SPON1: variants seen among roughly 807,000 people sequenced by gnomAD.
SPON1 encodes spondin 1, also known as spondin-1.
Under a neutral mutation model 111.7 loss-of-function variants are expected in SPON1, and 52 were observed. The observed-to-expected ratio is 0.47, with a 90% confidence interval of 0.37 to 0.59. SPON1 has a LOEUF of 0.59. Ranked by LOEUF, SPON1 falls within the 20% of genes least tolerant of loss-of-function variation. The pLI is 0.00. For missense variants in SPON1, 957 were observed against 1,068.5 expected (o/e 0.90, Z 1.46); for synonymous variants, 410 against 395.8 (o/e 1.04, Z -0.43).
At chr11:14,190,896 C>T (rs150689571) in intron 6 of SPON1, among the ~76,000 whole-genome samples, 11,746 of 152,084 alleles carry the variant, frequency 0.077, 560 homozygotes, top group East Asian at 0.17. Flanking sequence ...ACCTCGGCCT[C>T]CCAAAGTGCT....
intron 2 of SPON1, among the ~76,000 whole-genome samples, chr11:14,037,535 A>AAAG (rs1554916796): frequency 6.6e-6 from 1 of 151,678 alleles, no homozygotes; most frequent in Non-Finnish European, 1.5e-5. Context: ...TGTAGAAAAA[A>AAAG]AAAAAGAATC....
chr11:14,187,575 C>T lies in SPON1; in HGVS notation c.825+52007C>T, dbSNP rs144219185. Among the ~76,000 whole-genome samples the T allele has an allele frequency of 4.6e-5, 7 of 152,284 alleles. No individual in the cohort carries two copies. In the East Asian group the frequency reaches 9.7e-4, roughly 21 times the overall value. On this transcript the variant is annotated intron_variant, in intron 6 of 15. Coordinates refer to ENST00000576479, the MANE Select transcript of SPON1 (RefSeq NM_006108.4). ...ATGTCATAGGTAGGAATTCTCAGTG[C>T]AGCAGTTAGTTTGGGGTCCTAAAAG...
chr11:14,108,491 G>A (rs536872975), intron 5 of SPON1, among the ~76,000 whole-genome samples: 2 of 152,188 alleles, frequency 1.3e-5, no homozygotes, highest in South Asian at 4.1e-4. Flanking sequence ...GTGGAGAGAG[G>A]GCCAAGTTCC....
At chr11:14,185,429 T>C (rs1848276391) in intron 6 of SPON1, among the ~76,000 whole-genome samples, 1 of 152,240 alleles carries the variant, frequency 6.6e-6, no homozygotes, top group Non-Finnish European at 1.5e-5. Context: ...CTTTCTCATA[T>C]AGACCTGACC....
At chr11:14,098,855 A>G (rs1318641345) in intron 5 of SPON1, among the ~76,000 whole-genome samples, 1 of 152,188 alleles carries the variant, frequency 6.6e-6, no homozygotes, top group Non-Finnish European at 1.5e-5. Context: ...CCTCTCCTTT[A>G]AAGTGGTAAT....
At chr11:14,230,942 A>G (rs1848793416) in intron 6 of SPON1, among the ~76,000 whole-genome samples, 1 of 151,710 alleles carries the variant, frequency 6.6e-6, no homozygotes, top group South Asian at 2.1e-4. Context: ...GACTACAGGC[A>G]TGTGCCACCA....
chr11:14,199,838 A>C (rs1848442497), intron 6 of SPON1, among the ~76,000 whole-genome samples: 1 of 152,140 alleles, frequency 6.6e-6, no homozygotes, highest in South Asian at 2.1e-4. Context: ...CCTGCCTTAG[A>C]GCATGAAGCT....
intron 3 of SPON1, 72 bp from the exon 4 acceptor site, chr11:14,075,273 A>T: frequency 2.6e-6 from 3 of 1,154,004 alleles, no homozygotes; most frequent in Non-Finnish European, 2.5e-6. Flanking sequence ...AGCAGGGACT[A>T]TGTCTGACTG....
chr11:14,213,187 T>G (rs1554936875), intron 6 of SPON1, among the ~76,000 whole-genome samples: 2 of 152,194 alleles, frequency 1.3e-5, no homozygotes, highest in Admixed American at 6.5e-5. Flanking sequence ...TTCATCCTTT[T>G]GAAATGGAGC....
rs1424506478 is a variant in SPON1, at chr11:14,000,723, A to T, written c.345+17770A>T. The stretch of plus-strand genomic sequence containing the variant: ...TGGACCAATATGAAGATACATGTGC[A>T]TCACATGCACAGCCACACACCCCCT... On this transcript the variant is annotated intron_variant, in intron 2 of 15. Coordinates refer to ENST00000576479, the MANE Select transcript of SPON1 (RefSeq NM_006108.4). Among the ~76,000 whole-genome samples the T allele has an allele frequency of 3.3e-5, 5 of 152,098 alleles. No individual in the cohort carries two copies. The East Asian group carries it at 7.7e-4, about 24-fold the overall frequency.
Position 13,962,885 on chromosome 11 carries a change from C to T in SPON1, c.-20C>T, listed in dbSNP as rs1564874054. 1 of 1,462,682 alleles carries T rather than the reference C, an allele frequency of 6.8e-7. No individual in the cohort carries two copies. Among genetic ancestry groups the T allele is most frequent in the African/African-American group, 1.5e-5 (1 of 67,798 alleles). The allele number at this position is 1,462,682 out of a possible 1,614,324, so 90.6% of individuals were successfully genotyped here. A position where few individuals can be genotyped will look rare whatever the true frequency, so the allele number is the denominator to read the frequency against. On this transcript the variant is annotated 5_prime_UTR_variant, in exon 1 of 16. Coordinates refer to ENST00000576479, the MANE Select transcript of SPON1 (RefSeq NM_006108.4). ...GTGGCGAAGGCCTGCGGCCGCGGCACAAAGTTGGGGGCCGCGAAGATGAGG... is the reference window on the plus strand; with the variant it reads ...GTGGCGAAGGCCTGCGGCCGCGGCATAAAGTTGGGGGCCGCGAAGATGAGG...
At chr11:14,137,504 G>GC (rs140902958) in intron 6 of SPON1, among the ~76,000 whole-genome samples, 1 of 152,052 alleles carries the variant, frequency 6.6e-6, no homozygotes, top group South Asian at 2.1e-4. Flanking sequence ...TCTACTTTTC[G>GC]CCCCCCTCAC....
chr11:14,175,827 C>T (rs1554933022), intron 6 of SPON1, among the ~76,000 whole-genome samples: 1 of 152,162 alleles, frequency 6.6e-6, no homozygotes. Context: ...AGAAAATTAC[C>T]CTTTACTGTC....
At chr11:14,185,543 T>A (rs535366418) in intron 6 of SPON1, among the ~76,000 whole-genome samples, 1 of 152,370 alleles carries the variant, frequency 6.6e-6, no homozygotes, top group African/African-American at 2.4e-5. Flanking sequence ...AACCTGAGTC[T>A]ACATGGTAAA....
At chr11:14,196,915 T>C (rs1006037876) in intron 6 of SPON1, among the ~76,000 whole-genome samples, 17 of 152,144 alleles carry the variant, frequency 1.1e-4, no homozygotes, top group African/African-American at 4.1e-4. Flanking sequence ...CCAGATGTAG[T>C]GGTGCATGCC....
chr11:13,982,410 A>G (rs75986161), intron 1 of SPON1, among the ~76,000 whole-genome samples: 1,703 of 152,292 alleles, frequency 0.011, 26 homozygotes, highest in African/African-American at 0.039. Context: ...AAGAAAAATG[A>G]AATATGTTTT....
Position 13,981,396 on chromosome 11 carries a change from G to A in SPON1, c.239-1451G>A, listed in dbSNP as rs562646111. 2.7e-4 allele frequency among the ~76,000 whole-genome samples: 41 copies of A among 152,164 alleles called. No individual in the cohort carries two copies. The South Asian group carries it at 6.2e-3, about 23-fold the overall frequency. ...GGCTGGAGTGCAATGGCACAATCGC[G>A]GCTTACTGCAAGCTCCACCTCCCGG... On this transcript the variant is annotated intron_variant, in intron 1 of 15. Transcript: ENST00000576479.
At chr11:14,051,535 CAAA>C (rs111822968) in intron 3 of SPON1, among the ~76,000 whole-genome samples, 6 of 130,492 alleles carry the variant, frequency 4.6e-5, no homozygotes, top group Non-Finnish European at 6.7e-5. Flanking sequence ...GAGCCTGTCT[CAAA>C]AAAAAAAAAA....
At chr11:13,988,988 G>C (rs1313916427) in intron 2 of SPON1, among the ~76,000 whole-genome samples, 2 of 152,130 alleles carry the variant, frequency 1.3e-5, no homozygotes, top group African/African-American at 4.8e-5. Flanking sequence ...ATGTTCATCA[G>C]AGATATTGGC....
Sources: gnomAD v4.1 joint callset for allele counts (sites outside exome capture counted in the v4.1 genomes callset) on GRCh38, gnomAD v4.1.1 for gene constraint, MANE v1.5 for transcripts, NCBI Gene and HGNC (gene_info 2026-07-23, HGNC 2026-07-21) for gene names.